The following PHF21B variants were observed in gnomAD, a reference collection of about 807,000 sequenced individuals.
PHF21B encodes the protein PHD finger protein 21B, also known as PHD finger protein 4.
Under a neutral mutation model 62.2 loss-of-function variants are expected in PHF21B, and 22 were observed. The ratio of observed to expected loss-of-function variants is 0.35; its 90% CI spans 0.25 to 0.51. PHF21B has a LOEUF of 0.51. Ranked by LOEUF, PHF21B falls within the 20% of genes least tolerant of loss-of-function variation. The pLI is 0.97. For missense variants in PHF21B, 701 were observed against 707.9 expected, an observed-to-expected ratio of 0.99 and a Z score of 0.11; for synonymous variants, 341 against 314.7, an observed-to-expected ratio of 1.08 and a Z score of -0.88.
chr22:44,909,824 C>A lies in PHF21B; in HGVS notation c.831+3998G>T, dbSNP rs545987725. Among the ~76,000 whole-genome samples, 47 of 152,378 alleles carry A rather than the reference C, an allele frequency of 3.1e-4. No homozygotes were observed. The South Asian group carries it at 7.0e-3, about 23-fold the overall frequency. On this transcript the variant is annotated intron_variant, in intron 5 of 12. Coordinates refer to ENST00000313237, the MANE Select transcript of PHF21B (RefSeq NM_138415.5). Reference sequence around the variant, plus strand: ...AACTCCTCTACCCCTGCAGACCATGCCCCTTCTCTCCAAAGCCTTCCTCAG... The same window carrying A: ...AACTCCTCTACCCCTGCAGACCATGACCCTTCTCTCCAAAGCCTTCCTCAG...
intron 5 of PHF21B, among the ~76,000 whole-genome samples, chr22:44,903,287 T>A (rs1193475709): frequency 6.6e-6 from 1 of 151,876 alleles, no homozygotes; most frequent in Non-Finnish European, 1.5e-5. Context: ...AGGGAGTGCA[T>A]GCCACTGACT....
intron 2 of PHF21B, among the ~76,000 whole-genome samples, chr22:44,955,052 A>G (rs2072267991): frequency 1.3e-5 from 2 of 152,214 alleles, no homozygotes; most frequent in Admixed American, 1.3e-4. Context: ...ACTAGGGATC[A>G]CTGTCCAGCG....
At chr22:44,935,798 G>A (rs1288267860) in intron 2 of PHF21B, among the ~76,000 whole-genome samples, 1 of 152,144 alleles carries the variant, frequency 6.6e-6, no homozygotes, top group African/African-American at 2.4e-5. Flanking sequence ...GTTGATGCCA[G>A]CTTCACAGGG....
chr22:44,955,806 T>C (rs189910379), intron 2 of PHF21B, among the ~76,000 whole-genome samples: 12 of 152,334 alleles, frequency 7.9e-5, no homozygotes, highest in Admixed American at 4.6e-4. Context: ...AATCCCCGTA[T>C]GCATCCCCAT....
Position 45,009,798 on chromosome 22 carries a change from C to A in PHF21B, c.-249G>T. On this transcript the variant is annotated 5_prime_UTR_variant, in exon 1 of 13. Transcript: ENST00000313237. The surrounding 1 kb of genome is among the most constrained non-coding windows in gnomAD (Gnocchi z 5.9). Reference sequence around the variant, plus strand: ...GGCTGCCCGGCAAGTTGCGCCGGGTCCCCGGGCTGCCGGCGCGGCCCGGAG... The same window carrying A: ...GGCTGCCCGGCAAGTTGCGCCGGGTACCCGGGCTGCCGGCGCGGCCCGGAG... The A allele has an allele frequency of 4.9e-6, 1 of 202,628 alleles. No homozygotes were observed. Among genetic ancestry groups the A allele is most frequent in the South Asian group, 1.6e-4 (1 of 6,370 alleles). The allele number at this position is 202,628 out of a possible 1,614,324, so 12.6% of individuals were successfully genotyped here.
At chr22:44,898,637 C>T (rs2071102085) in intron 5 of PHF21B, among the ~76,000 whole-genome samples, 1 of 152,110 alleles carries the variant, frequency 6.6e-6, no homozygotes, top group African/African-American at 2.4e-5. Context: ...TAAAATGCAT[C>T]AATTTTTAAT....
chr22:44,914,105 A>T lies in PHF21B; in HGVS notation c.565-17T>A. ...TGGAGGAGGCTGGAGAGCGAGGGTG[A>T]GGGGCACAGGGAGGAAGGGAAGAGT... is the stretch of plus-strand genomic sequence containing the variant. On this transcript the variant is annotated splice_polypyrimidine_tract_variant and intron_variant, in intron 4 of 12. Coordinates refer to ENST00000313237, the MANE Select transcript of PHF21B (RefSeq NM_138415.5). 4 of 448,640 alleles carry T rather than the reference A, an allele frequency of 8.9e-6. No individual in the cohort carries two copies. Among genetic ancestry groups the T allele is most frequent in the Non-Finnish European group, 1.4e-5 (4 of 282,578 alleles). 27.8% of individuals were successfully genotyped at this position (448,640 alleles called of 1,614,324 possible). A position where few individuals can be genotyped will look rare whatever the true frequency, so the allele number is the denominator to read the frequency against.
intron 2 of PHF21B, among the ~76,000 whole-genome samples, chr22:44,946,018 T>C (rs560077790): frequency 6.6e-6 from 1 of 152,216 alleles, no homozygotes; most frequent in South Asian, 2.1e-4. Context: ...GTTCCTACAG[T>C]GTGCCAAGCA....
chr22:44,934,348 G>A (rs1356586310), intron 2 of PHF21B, among the ~76,000 whole-genome samples: 1 of 152,234 alleles, frequency 6.6e-6, no homozygotes, highest in Non-Finnish European at 1.5e-5. Context: ...CAGGCACATA[G>A]AGGAGCGATG....
intron 2 of PHF21B, among the ~76,000 whole-genome samples, chr22:44,970,094 G>C (rs546804336): frequency 1.3e-5 from 2 of 152,340 alleles, no homozygotes; most frequent in African/African-American, 4.8e-5. Flanking sequence ...AGAGCCCAGG[G>C]AGGCTGTGCG....
chr22:44,913,614 C>T (rs769885170), intron 5 of PHF21B, among the ~76,000 whole-genome samples: 13 of 152,238 alleles, frequency 8.5e-5, no homozygotes, highest in African/African-American at 1.7e-4. Flanking sequence ...CTCACACTGC[C>T]GTTCAGCCAG....
rs536451863 is a variant in PHF21B, at chr22:44,921,312, T to A, written c.121-822A>T. On this transcript the variant is annotated intron_variant, in intron 2 of 12. Transcript: ENST00000313237. ...TGCTCACTTGTCTAAAGTCTCCTTTTGTGGGAACCACCACTACCCACAGCC... is the reference window on the plus strand; with the variant it reads ...TGCTCACTTGTCTAAAGTCTCCTTTAGTGGGAACCACCACTACCCACAGCC... Among the ~76,000 whole-genome samples the A allele has an allele frequency of 9.9e-5, 15 of 152,138 alleles. No individual in the cohort carries two copies. The South Asian group carries it at 2.9e-3, about 30-fold the overall frequency.
At chr22:44,992,942 G>A (rs1021515558) in intron 2 of PHF21B, among the ~76,000 whole-genome samples, 1 of 152,178 alleles carries the variant, frequency 6.6e-6, no homozygotes, top group Non-Finnish European at 1.5e-5. Flanking sequence ...TACAGATGCA[G>A]GGACTGATTC....
chr22:44,935,815 G>C (rs1248952391), intron 2 of PHF21B, among the ~76,000 whole-genome samples: 1 of 152,082 alleles, frequency 6.6e-6, no homozygotes, highest in East Asian at 1.9e-4. Flanking sequence ...AGGGGGAGCA[G>C]AGTTAGCGAG....
chr22:45,007,548 C>G (rs1422005338), intron 2 of PHF21B, among the ~76,000 whole-genome samples: 1 of 16,030 alleles, frequency 6.2e-5, no homozygotes, highest in Non-Finnish European at 1.3e-4. Flanking sequence ...GCGGCGCGGG[C>G]GGGGGCGGGG....
chr22:44,978,805 A>T (rs534437058), intron 2 of PHF21B, among the ~76,000 whole-genome samples: 9 of 152,336 alleles, frequency 5.9e-5, no homozygotes, highest in African/African-American at 2.2e-4. Context: ...CCCATAGGCG[A>T]AGGCTGTTGA....
intron 2 of PHF21B, among the ~76,000 whole-genome samples, chr22:44,984,209 TCATCACCACCAC>T (rs2072903943): frequency 7.5e-6 from 1 of 133,022 alleles, no homozygotes; most frequent in African/African-American, 2.9e-5. Flanking sequence ...ACTACCACCA[TCATCACCACCAC>T]CATCACCATC....
intron 2 of PHF21B, among the ~76,000 whole-genome samples, chr22:44,951,168 G>T (rs1054247143): frequency 6.6e-6 from 1 of 152,174 alleles, no homozygotes; most frequent in Non-Finnish European, 1.5e-5. Flanking sequence ...TGGTCTCTGT[G>T]CAGTCAAACC....
chr22:44,976,699 C>T (rs1384880737), intron 2 of PHF21B, among the ~76,000 whole-genome samples: 1 of 152,180 alleles, frequency 6.6e-6, no homozygotes, highest in African/African-American at 2.4e-5. Flanking sequence ...CAGAATTTCA[C>T]ATTTGAGGCA....
Sources: allele counts gnomAD v4.1 joint callset (sites outside exome capture counted in the v4.1 genomes callset), GRCh38; gene constraint gnomAD v4.1.1; non-coding constraint Gnocchi (gnomAD v3.1); transcripts MANE v1.5; gene names NCBI Gene and HGNC (gene_info 2026-07-23, HGNC 2026-07-21).